CNTN1: variants seen among roughly 807,000 people sequenced by gnomAD.
CNTN1 encodes contactin-1.
CNTN1 carries 38 observed loss-of-function variants against 126.4 expected under a neutral mutation model. The ratio of observed to expected loss-of-function variants is 0.30; its 90% CI spans 0.23 to 0.39. The LOEUF (loss-of-function observed/expected upper bound fraction) is 0.39. Ranked by LOEUF, CNTN1 falls within the 10% of genes least tolerant of loss-of-function variation. CNTN1 has a pLI of 1.00. For synonymous variants in CNTN1, 413 were observed against 422.6 expected, an observed-to-expected ratio of 0.98 and a Z score of 0.28; for missense variants, 1,009 against 1,248.4, an observed-to-expected ratio of 0.81 and a Z score of 2.89.
At chr12:40,726,472 G>A (rs1942353187) in intron 1 of CNTN1, among the ~76,000 whole-genome samples, 1 of 152,112 alleles carries the variant, frequency 6.6e-6, no homozygotes, top group Non-Finnish European at 1.5e-5. Context: ...TGGCAGGATG[G>A]ACTGAGTGCA....
At chr12:41,056,212 T>C (rs1472401135) in intron 23 of CNTN1, among the ~76,000 whole-genome samples, 1 of 152,114 alleles carries the variant, frequency 6.6e-6, no homozygotes, top group Non-Finnish European at 1.5e-5. Flanking sequence ...TCATGAAATA[T>C]TTATTTATAA....
chr12:41,018,644 A>G (rs1948835755), intron 19 of CNTN1, among the ~76,000 whole-genome samples: 2 of 150,952 alleles, frequency 1.3e-5, no homozygotes, highest in South Asian at 4.1e-4. Context: ...AGTTATATAT[A>G]TACTTTTTAC....
intron 1 of CNTN1, among the ~76,000 whole-genome samples, chr12:40,809,983 G>C (rs551439797): frequency 6.6e-6 from 1 of 152,104 alleles, no homozygotes; most frequent in Admixed American, 6.5e-5. Context: ...CTTTGGGGCT[G>C]GTAGAGGATG....
intron 17 of CNTN1, among the ~76,000 whole-genome samples, chr12:41,010,860 G>A (rs1592398758): frequency 1.4e-5 from 2 of 146,086 alleles, no homozygotes; most frequent in East Asian, 3.9e-4. Context: ...TTCCAACTAG[G>A]GTTTGTTTTT....
rs564479773 is a variant in CNTN1 at position 40,814,870 on chromosome 12, C to T, written c.-76-93487C>T. Among the ~76,000 whole-genome samples the T allele has an allele frequency of 1.8e-4, 28 of 152,170 alleles. No homozygotes were observed. The East Asian group carries it at 4.1e-3, about 22-fold the overall frequency. On this transcript the variant is annotated intron_variant, in intron 1 of 23. Coordinates refer to ENST00000551295, the MANE Select transcript of CNTN1 (RefSeq NM_001843.4). Reference sequence around the variant, plus strand: ...CATTCGTTTGTGTCCTCTTTTATTTCGTTGAGCAGCAGTTTGTAGCTGTCC... The same window carrying T: ...CATTCGTTTGTGTCCTCTTTTATTTTGTTGAGCAGCAGTTTGTAGCTGTCC...
chr12:40,899,579 T>C (rs1391498480), intron 1 of CNTN1, among the ~76,000 whole-genome samples: 1 of 152,200 alleles, frequency 6.6e-6, no homozygotes, highest in Admixed American at 6.5e-5. Flanking sequence ...ATGTGTTGGC[T>C]GAACGTGTGG....
chr12:40,707,197 T>C (rs193192743), intron 1 of CNTN1, among the ~76,000 whole-genome samples: 10 of 151,026 alleles, frequency 6.6e-5, no homozygotes, highest in South Asian at 2.1e-4. Flanking sequence ...ATTGCTTTTC[T>C]CCTTTTCCTC....
chr12:40,958,540 G>A (rs1467836332), intron 14 of CNTN1, among the ~76,000 whole-genome samples: 2 of 151,994 alleles, frequency 1.3e-5, no homozygotes, highest in African/African-American at 2.4e-5. Context: ...CACTCTTGGA[G>A]GCAATAGAAT....
intron 1 of CNTN1, among the ~76,000 whole-genome samples, chr12:40,809,555 T>A (rs529562843): frequency 6.6e-6 from 1 of 152,326 alleles, no homozygotes; most frequent in East Asian, 1.9e-4. Flanking sequence ...CCGGGCACAG[T>A]GGCTCACGCC....
chr12:40,908,283 C>G, intron 1 of CNTN1, 74 bp from the exon 2 acceptor site: 1 of 585,958 alleles, frequency 1.7e-6, no homozygotes, highest in Non-Finnish European at 3.0e-6. Context: ...TTCTTCTCCT[C>G]TCCTCCTCTC....
Position 40,829,973 on chromosome 12 carries a change from G to T in CNTN1, c.-76-78384G>T, listed in dbSNP as rs145571228. Among the ~76,000 whole-genome samples the T allele has an allele frequency of 3.1e-3, 474 of 152,224 alleles. 2 individuals carry two copies. Among genetic ancestry groups the T allele is most frequent in the African/African-American group, 0.011 (447 of 41,524 alleles). ...ATGGCAGTGCTACTTGTTGGATCTGGCTGAGTTGACAGTAGGAGAATAAAA... is the reference window on the plus strand; with the variant it reads ...ATGGCAGTGCTACTTGTTGGATCTGTCTGAGTTGACAGTAGGAGAATAAAA... On this transcript the variant is annotated intron_variant, in intron 1 of 23. Transcript: ENST00000551295.
intron 6 of CNTN1, among the ~76,000 whole-genome samples, chr12:40,928,584 A>G (rs536581958): frequency 6.6e-6 from 1 of 152,082 alleles, no homozygotes; most frequent in African/African-American, 2.4e-5. Flanking sequence ...AATAATAAAC[A>G]TATGCTGCTG....
intron 1 of CNTN1, among the ~76,000 whole-genome samples, chr12:40,886,190 T>C (rs1384347488): frequency 2.6e-5 from 4 of 152,128 alleles, no homozygotes; most frequent in Non-Finnish European, 5.9e-5. Flanking sequence ...TTTTGCTTCA[T>C]TTTGAACTAT....
intron 12 of CNTN1, among the ~76,000 whole-genome samples, chr12:40,939,897 G>T (rs1946206191): frequency 6.6e-6 from 1 of 151,880 alleles, no homozygotes; most frequent in East Asian, 1.9e-4. Context: ...TATTTTTGTA[G>T]AAAAATAAAA....
At chr12:41,063,365 T>C (rs1949981920) in intron 23 of CNTN1, among the ~76,000 whole-genome samples, 1 of 152,244 alleles carries the variant, frequency 6.6e-6, no homozygotes, top group African/African-American at 2.4e-5. Flanking sequence ...AAAACGTACT[T>C]TTCCACAGCT....
chr12:40,783,962 G>C (rs1321194474), intron 1 of CNTN1, among the ~76,000 whole-genome samples: 1 of 151,942 alleles, frequency 6.6e-6, no homozygotes, highest in Non-Finnish European at 1.5e-5. Flanking sequence ...TCAATTTTAT[G>C]CTAAATTTTC....
At chr12:40,994,692 A>G (rs953675601) in intron 17 of CNTN1, among the ~76,000 whole-genome samples, 1 of 152,060 alleles carries the variant, frequency 6.6e-6, no homozygotes, top group Non-Finnish European at 1.5e-5. Context: ...GATTACCTAC[A>G]TATCCTGATG....
At chr12:41,039,647 A>G (rs1375650235) in intron 23 of CNTN1, among the ~76,000 whole-genome samples, 1 of 152,178 alleles carries the variant, frequency 6.6e-6, no homozygotes, top group Non-Finnish European at 1.5e-5. Flanking sequence ...AGCTGAGGTC[A>G]GATGACATAA....
intron 16 of CNTN1, among the ~76,000 whole-genome samples, chr12:40,983,862 AT>A (rs1170356370): frequency 1.9e-3 from 130 of 67,050 alleles, no homozygotes; most frequent in African/African-American, 7.0e-3. Flanking sequence ...ATTATATGCT[AT>A]TATAGCATAT....
Sources: allele counts gnomAD v4.1 joint callset (sites outside exome capture counted in the v4.1 genomes callset), GRCh38; gene constraint gnomAD v4.1.1; transcripts MANE v1.5; gene names NCBI Gene and HGNC (gene_info 2026-07-23, HGNC 2026-07-21).